The following FNDC3B variants were observed in gnomAD, a reference collection of about 807,000 sequenced individuals.
FNDC3B encodes the protein fibronectin type III domain containing 3B.
In FNDC3B, 12 loss-of-function variants were observed where a neutral mutation model predicts 151.5. That is an observed-to-expected ratio of 0.08 (90% CI 0.05 to 0.13). The LOEUF (loss-of-function observed/expected upper bound fraction) is 0.13. Among genes scored for constraint, FNDC3B ranks in the 10% least tolerant of loss-of-function variants. The probability of loss-of-function intolerance (pLI) is 1.00; values close to 1 mark genes in which losing one functional copy is unlikely to be tolerated. For synonymous variants in FNDC3B, 528 were observed against 549.0 expected (o/e 0.96, Z 0.54); for missense variants, 1,214 against 1,505.3 (o/e 0.81, Z 3.20).
chr3:172,153,422 C>G (rs914668596), intron 3 of FNDC3B, among the ~76,000 whole-genome samples: 7 of 152,172 alleles, frequency 4.6e-5, no homozygotes, highest in African/African-American at 1.7e-4. Context: ...ATGTGCTGCA[C>G]GCTGCCTTGC....
At chr3:172,280,192 G>A (rs910401378) in intron 6 of FNDC3B, among the ~76,000 whole-genome samples, 2 of 152,166 alleles carry the variant, frequency 1.3e-5, no homozygotes, top group Non-Finnish European at 1.5e-5. Context: ...TGGGATTACC[G>A]GCATGAGCTA....
At chr3:172,147,521 C>A (rs1054114719) in intron 3 of FNDC3B, among the ~76,000 whole-genome samples, 6 of 152,008 alleles carry the variant, frequency 3.9e-5, no homozygotes, top group Non-Finnish European at 7.4e-5. Context: ...GTGGGTGGTC[C>A]CTATAGTATA....
chr3:172,386,973 T>C (rs895004053), intron 25 of FNDC3B, among the ~76,000 whole-genome samples: 3 of 152,216 alleles, frequency 2.0e-5, no homozygotes, highest in African/African-American at 7.2e-5. Context: ...CTCCTTTTTT[T>C]TGAGATGGAG....
At chr3:172,356,601 T>C (rs1734108183) in intron 22 of FNDC3B, among the ~76,000 whole-genome samples, 1 of 152,072 alleles carries the variant, frequency 6.6e-6, no homozygotes, top group Non-Finnish European at 1.5e-5. Flanking sequence ...GTGGCATTGG[T>C]GTCAAAGGAG....
intron 11 of FNDC3B, among the ~76,000 whole-genome samples, chr3:172,316,907 G>A (rs1023261013): frequency 1.6e-4 from 24 of 152,342 alleles, no homozygotes; most frequent in African/African-American, 5.8e-4. Flanking sequence ...CTGCAAGCTG[G>A]GAAGTTCAAG....
intron 4 of FNDC3B, among the ~76,000 whole-genome samples, chr3:172,228,392 A>G (rs547401031): frequency 6.6e-6 from 1 of 152,314 alleles, no homozygotes; most frequent in African/African-American, 2.4e-5. Flanking sequence ...CAAAAATAAC[A>G]CCTCCTTTTA....
At chr3:172,137,908 G>C (rs768336155) in intron 3 of FNDC3B, among the ~76,000 whole-genome samples, 3 of 152,150 alleles carry the variant, frequency 2.0e-5, no homozygotes, top group Non-Finnish European at 2.9e-5. Context: ...AGAGCTAATT[G>C]TTAGGAAAAA....
chr3:172,366,535 A>C (rs984103272), intron 23 of FNDC3B, among the ~76,000 whole-genome samples: 1 of 152,144 alleles, frequency 6.6e-6, no homozygotes, highest in African/African-American at 2.4e-5. Flanking sequence ...CAATTATTGG[A>C]GTTTTATATG....
At chr3:172,376,447 T>C (rs776613059) in intron 23 of FNDC3B, among the ~76,000 whole-genome samples, 3 of 152,236 alleles carry the variant, frequency 2.0e-5, no homozygotes, top group Non-Finnish European at 2.9e-5. Context: ...CTGAGCTTTA[T>C]GGCAAATTTG....
At chr3:172,355,524 G>GTT (rs1560096917) in intron 22 of FNDC3B, among the ~76,000 whole-genome samples, 3 of 152,158 alleles carry the variant, frequency 2.0e-5, no homozygotes, top group African/African-American at 7.2e-5. Context: ...CTAGGGGGGG[G>GTT]GCCTAGCACT....
intron 3 of FNDC3B, chr3:172,187,426 T>G (rs903122477): frequency 2.0e-5 from 3 of 152,240 alleles, no homozygotes; most frequent in Non-Finnish European, 4.4e-5. Context: ...TCTCTGCCCC[T>G]TGGTGGGATG....
chr3:172,163,225 C>T (rs753434995), intron 3 of FNDC3B, among the ~76,000 whole-genome samples: 21 of 151,894 alleles, frequency 1.4e-4, no homozygotes, highest in East Asian at 5.8e-4. Flanking sequence ...GAGTTATGGT[C>T]GTGCCACTGC....
At chr3:172,298,856 C>T in intron 9 of FNDC3B, 69 bp downstream of exon 9, 1 of 1,159,752 alleles carries the variant, frequency 8.6e-7, no homozygotes, top group African/African-American at 1.6e-5. Context: ...CATGTACTCC[C>T]TTTTAAGTTT....
At chr3:172,290,711 T>C (rs1730282792) in intron 7 of FNDC3B, among the ~76,000 whole-genome samples, 1 of 152,180 alleles carries the variant, frequency 6.6e-6, no homozygotes. Flanking sequence ...AGATAAACAG[T>C]AGTGCATCTG....
chr3:172,386,604 T>C (rs544374454), intron 25 of FNDC3B, among the ~76,000 whole-genome samples: 2 of 152,084 alleles, frequency 1.3e-5, no homozygotes, highest in African/African-American at 4.8e-5. Context: ...TAGCCAGGCA[T>C]GTTGGCAGGC....
At chr3:172,298,869 G>A in intron 9 of FNDC3B, 82 bp downstream of exon 9, 1 of 971,730 alleles carries the variant, frequency 1.0e-6, no homozygotes, top group Non-Finnish European at 1.6e-6. Flanking sequence ...TTAAGTTTTT[G>A]GTGAATGTTG....
chr3:172,377,450 A>T (rs1160435639), intron 23 of FNDC3B, among the ~76,000 whole-genome samples: 1 of 152,252 alleles, frequency 6.6e-6, no homozygotes, highest in Non-Finnish European at 1.5e-5. Context: ...GTTCTCAAAT[A>T]TGTTTTTATT....
At chr3:172,108,615 T>A (rs1719799525) in intron 1 of FNDC3B, among the ~76,000 whole-genome samples, 1 of 152,226 alleles carries the variant, frequency 6.6e-6, no homozygotes, top group African/African-American at 2.4e-5. Context: ...TATAGAGTGA[T>A]GACTGCTCAT....
At chr3:172,216,489 A>G (rs1725981570) in intron 3 of FNDC3B, among the ~76,000 whole-genome samples, 1 of 152,002 alleles carries the variant, frequency 6.6e-6, no homozygotes, top group Admixed American at 6.6e-5. Context: ...CAACATTGTG[A>G]GACCACATCT....
Sources: gnomAD v4.1 joint callset for allele counts (sites outside exome capture counted in the v4.1 genomes callset) on GRCh38, gnomAD v4.1.1 for gene constraint, MANE v1.5 for transcripts, NCBI Gene and HGNC (gene_info 2026-07-23, HGNC 2026-07-21) for gene names.